TBC1D5: variants seen among roughly 807,000 people sequenced by gnomAD.
The protein encoded by TBC1D5 is TBC1 domain family member 5.
Under a neutral mutation model 100.3 loss-of-function variants are expected in TBC1D5, and 75 were observed. That is an observed-to-expected ratio of 0.75 (90% CI 0.62 to 0.91). The LOEUF is 0.91. Among genes scored for constraint, TBC1D5 ranks in the 40% least tolerant of loss-of-function variants. The pLI is 0.00. For synonymous variants in TBC1D5, 323 were observed against 325.6 expected (o/e 0.99, Z 0.09); for missense variants, 910 against 942.4 (o/e 0.97, Z 0.45).
chr3:17,396,079 C>T (rs376511295), intron 8 of TBC1D5, among the ~76,000 whole-genome samples: 48 of 152,114 alleles, frequency 3.2e-4, no homozygotes, highest in African/African-American at 1.0e-3. Context: ...CACAGGTTGC[C>T]GACAACTCTT....
chr3:17,259,299 T>C (rs2078044791), intron 15 of TBC1D5, among the ~76,000 whole-genome samples: 2 of 152,218 alleles, frequency 1.3e-5, no homozygotes, highest in Admixed American at 1.3e-4. Flanking sequence ...CCTTGAATCA[T>C]TAGGTCCACG....
At chr3:17,196,988 C>T (rs574512120) in intron 18 of TBC1D5, among the ~76,000 whole-genome samples, 79 of 152,250 alleles carry the variant, frequency 5.2e-4, no homozygotes, top group African/African-American at 1.7e-3. Context: ...CATAGATGAA[C>T]GCAGCTACAC....
exon 1 of TBC1D5, chr3:17,739,978 C>T (rs1050626197): frequency 5.3e-5 from 8 of 151,564 alleles, no homozygotes; most frequent in Non-Finnish European, 8.8e-5. Context: ...ATACTCCAGC[C>T]TGGACAAGAG....
At chr3:17,323,499 TAGTG>T (rs1224207539) in intron 13 of TBC1D5, among the ~76,000 whole-genome samples, 1 of 152,108 alleles carries the variant, frequency 6.6e-6, no homozygotes, top group Admixed American at 6.5e-5. Context: ...CTATTTAAAC[TAGTG>T]AGTGAGTTTA....
intron 9 of TBC1D5, among the ~76,000 whole-genome samples, chr3:17,378,299 G>C (rs924969963): frequency 6.6e-6 from 1 of 151,628 alleles, no homozygotes; most frequent in Non-Finnish European, 1.5e-5. Context: ...ATGTGTTAAA[G>C]TCTGGTAGGA....
At chr3:17,721,479 G>GT (rs1391593013) in intron 1 of TBC1D5, among the ~76,000 whole-genome samples, 1 of 151,986 alleles carries the variant, frequency 6.6e-6, no homozygotes, top group Non-Finnish European at 1.5e-5. Context: ...GTGTGTGTGT[G>GT]TGTGTGTGTT....
At chr3:17,695,705 C>G (rs1386074872) in intron 1 of TBC1D5, among the ~76,000 whole-genome samples, 1 of 152,166 alleles carries the variant, frequency 6.6e-6, no homozygotes, top group African/African-American at 2.4e-5. Flanking sequence ...AGAAGGTTAA[C>G]AAAGATATCT....
At chr3:17,394,668 T>G (rs752060855) in intron 8 of TBC1D5, among the ~76,000 whole-genome samples, 28 of 152,160 alleles carry the variant, frequency 1.8e-4, no homozygotes, top group Non-Finnish European at 3.8e-4. Context: ...AGGCAGTCTT[T>G]TCTTTATTTG....
chr3:17,440,047 A>G (rs541810462), intron 3 of TBC1D5, among the ~76,000 whole-genome samples: 1 of 152,328 alleles, frequency 6.6e-6, no homozygotes, highest in African/African-American at 2.4e-5. Context: ...TACAGTATTC[A>G]AGTGCTGACG....
chr3:17,183,921 A>G (rs1011747774), intron 19 of TBC1D5, among the ~76,000 whole-genome samples: 3 of 152,178 alleles, frequency 2.0e-5, no homozygotes. Context: ...CTGATTTCTT[A>G]TAATACCTGG....
chr3:17,215,001 AAGG>A (rs1351114100), intron 17 of TBC1D5, among the ~76,000 whole-genome samples: 1 of 152,052 alleles, frequency 6.6e-6, no homozygotes, highest in Non-Finnish European at 1.5e-5. Context: ...AGCTAAGAGC[AAGG>A]AGGAGAAGGG....
At chr3:17,404,060 C>T (rs990193420) in intron 7 of TBC1D5, among the ~76,000 whole-genome samples, 2 of 152,008 alleles carry the variant, frequency 1.3e-5, no homozygotes, top group African/African-American at 4.8e-5. Flanking sequence ...TTAAAAATTA[C>T]TTAATATTTT....
chr3:17,597,302 T>C (rs540001783), intron 2 of TBC1D5, among the ~76,000 whole-genome samples: 3 of 152,312 alleles, frequency 2.0e-5, no homozygotes, highest in South Asian at 2.1e-4. Context: ...TACTATGATA[T>C]TGATATTTAT....
At chr3:17,589,984 G>C (rs918876110) in intron 2 of TBC1D5, among the ~76,000 whole-genome samples, 2 of 152,158 alleles carry the variant, frequency 1.3e-5, no homozygotes, top group Non-Finnish European at 2.9e-5. Flanking sequence ...GGATCTGAAA[G>C]GTATGGGAAG....
At chr3:17,544,798 A>G (rs1250270303) in intron 2 of TBC1D5, among the ~76,000 whole-genome samples, 1 of 152,188 alleles carries the variant, frequency 6.6e-6, no homozygotes, top group Non-Finnish European at 1.5e-5. Context: ...GTAGCCTCCT[A>G]TCTCCTATTT....
intron 17 of TBC1D5, among the ~76,000 whole-genome samples, chr3:17,229,133 G>A (rs958830866): frequency 1.3e-5 from 2 of 152,024 alleles, no homozygotes; most frequent in Non-Finnish European, 2.9e-5. Context: ...GGTCTACGGG[G>A]GGACTTGCTG....
At chr3:17,342,024 C>G (rs183476965) in intron 13 of TBC1D5, among the ~76,000 whole-genome samples, 6 of 152,306 alleles carry the variant, frequency 3.9e-5, no homozygotes, top group African/African-American at 1.4e-4. Flanking sequence ...AGCTTTCTAA[C>G]TAGTCTCCCT....
intron 17 of TBC1D5, among the ~76,000 whole-genome samples, chr3:17,231,821 T>C (rs2075447217): frequency 6.6e-6 from 1 of 152,190 alleles, no homozygotes; most frequent in African/African-American, 2.4e-5. Context: ...TTATTTGTGA[T>C]TCACATCTAT....
At chr3:17,395,130 G>A (rs2093465087) in intron 8 of TBC1D5, among the ~76,000 whole-genome samples, 1 of 152,018 alleles carries the variant, frequency 6.6e-6, no homozygotes, top group South Asian at 2.1e-4. Flanking sequence ...AAGGTTGGGA[G>A]AAGGCAGGTG....
Sources: allele counts gnomAD v4.1 joint callset (sites outside exome capture counted in the v4.1 genomes callset), GRCh38; gene constraint gnomAD v4.1.1; transcripts MANE v1.5; gene names NCBI Gene and HGNC (gene_info 2026-07-23, HGNC 2026-07-21).